The following GTF2F2 variants were observed in gnomAD, a reference collection of about 807,000 sequenced individuals.
GTF2F2 encodes ATP-dependent helicase GTF2F2.
A neutral mutation model predicts 42.2 loss-of-function variants in GTF2F2; 23 were observed. The ratio of observed to expected loss-of-function variants is 0.55; its 90% CI spans 0.39 to 0.77. The LOEUF (loss-of-function observed/expected upper bound fraction) is 0.77. Among genes scored for constraint, GTF2F2 ranks in the 30% least tolerant of loss-of-function variants. The pLI is 0.00. For synonymous variants in GTF2F2, 105 were observed against 100.8 expected (o/e 1.04, Z -0.25); for missense variants, 261 against 287.2 (o/e 0.91, Z 0.66).
In GTF2F2 at chr13:45,137,338, C is replaced by T. The variant is rs538598661; in HGVS notation, c.140+532C>T. Reference sequence around the variant, plus strand: ...AGTGTCAGCTGGAGGCCTTGTGTTCCATTCTTTCTATCCATTCATTCTTAA... The same window carrying T: ...AGTGTCAGCTGGAGGCCTTGTGTTCTATTCTTTCTATCCATTCATTCTTAA... On this transcript the variant is annotated intron_variant, in intron 2 of 7. Coordinates refer to ENST00000340473, the MANE Select transcript of GTF2F2 (RefSeq NM_004128.3). Among the ~76,000 whole-genome samples the T allele has an allele frequency of 3.9e-5, 6 of 152,308 alleles. No homozygotes were observed. In the East Asian group the frequency reaches 1.2e-3, roughly 29 times the overall value.
chr13:45,191,220 AAAAAAT>A (rs973184442), intron 4 of GTF2F2, among the ~76,000 whole-genome samples: 8 of 75,210 alleles, frequency 1.1e-4, no homozygotes, highest in East Asian at 9.7e-4. Context: ...AAATACAAAA[AAAAAAT>A]ATATATATAT....
At chr13:45,243,546 G>T (rs1373340587) in intron 5 of GTF2F2, among the ~76,000 whole-genome samples, 1 of 152,218 alleles carries the variant, frequency 6.6e-6, no homozygotes, top group Non-Finnish European at 1.5e-5. Context: ...TTGTGGGACC[G>T]ATATGTTAAA....
intron 5 of GTF2F2, among the ~76,000 whole-genome samples, chr13:45,236,490 T>TACACACACACACACACAC (rs3047056): frequency 6.1e-4 from 86 of 142,034 alleles, no homozygotes; most frequent in African/African-American, 2.1e-3. Context: ...CCGCCACACA[T>TACACACACACACACACAC]ACACACACAC....
At chr13:45,186,457 A>C (rs900382158) in intron 4 of GTF2F2, among the ~76,000 whole-genome samples, 74 of 150,642 alleles carry the variant, frequency 4.9e-4, no homozygotes, top group African/African-American at 1.8e-3. Context: ...ACACCCTGCT[A>C]ATTTTTTGTA....
intron 4 of GTF2F2, among the ~76,000 whole-genome samples, chr13:45,200,176 G>A (rs1001434546): frequency 6.6e-5 from 10 of 152,058 alleles, no homozygotes; most frequent in African/African-American, 2.4e-4. Flanking sequence ...AGCTCTGTGA[G>A]CTATTCCCTC....
At chr13:45,135,047 G>A (rs138040240) in intron 1 of GTF2F2, among the ~76,000 whole-genome samples, 174 of 151,808 alleles carry the variant, frequency 1.1e-3, no homozygotes, top group African/African-American at 4.1e-3. Flanking sequence ...TCCACCTCCT[G>A]GGTTCAAGCA....
intron 5 of GTF2F2, among the ~76,000 whole-genome samples, chr13:45,241,069 A>T (rs1943721626): frequency 6.6e-6 from 1 of 151,402 alleles, no homozygotes; most frequent in Non-Finnish European, 1.5e-5. Context: ...AGGAGGATCA[A>T]ATGAGCCCAG....
chr13:45,126,124 C>T (rs1457987501), intron 1 of GTF2F2, among the ~76,000 whole-genome samples: 3 of 151,994 alleles, frequency 2.0e-5, no homozygotes, highest in Non-Finnish European at 4.4e-5. Context: ...ATCATGATGT[C>T]CACTTCAGTG....
intron 1 of GTF2F2, among the ~76,000 whole-genome samples, chr13:45,125,467 G>A (rs924200681): frequency 3.3e-5 from 5 of 151,986 alleles, no homozygotes; most frequent in Non-Finnish European, 7.4e-5. Context: ...CTACAGGCGC[G>A]GGCCACCACA....
chr13:45,263,313 C>T (rs183762240), intron 6 of GTF2F2, among the ~76,000 whole-genome samples: 228 of 151,960 alleles, frequency 1.5e-3, no homozygotes, highest in African/African-American at 5.3e-3. Context: ...CTGCAAGCTC[C>T]GCCTCCCAAG....
chr13:45,234,198 A>G (rs1449633510), intron 5 of GTF2F2, among the ~76,000 whole-genome samples: 1 of 152,266 alleles, frequency 6.6e-6, no homozygotes, highest in Non-Finnish European at 1.5e-5. Context: ...ACATTTTTAT[A>G]CATTTGTTTT....
At chr13:45,131,331 G>C (rs1449599142) in intron 1 of GTF2F2, among the ~76,000 whole-genome samples, 1 of 152,148 alleles carries the variant, frequency 6.6e-6, no homozygotes, top group Admixed American at 6.5e-5. Context: ...GGAGAGTCCA[G>C]AGAAGTAGAG....
At chr13:45,272,418 G>T (rs1044151882) in intron 7 of GTF2F2, among the ~76,000 whole-genome samples, 4 of 128,824 alleles carry the variant, frequency 3.1e-5, no homozygotes, top group African/African-American at 1.3e-4. Context: ...TTTTGTTTTG[G>T]CTCTTTAAAA....
At chr13:45,202,023 T>G (rs1305477295) in intron 4 of GTF2F2, among the ~76,000 whole-genome samples, 3 of 152,126 alleles carry the variant, frequency 2.0e-5, no homozygotes, top group Non-Finnish European at 4.4e-5. Context: ...CTCTTCCTTC[T>G]TACCCCCACC....
intron 7 of GTF2F2, among the ~76,000 whole-genome samples, chr13:45,272,354 A>G (rs1211614335): frequency 6.6e-6 from 1 of 150,426 alleles, no homozygotes; most frequent in East Asian, 1.9e-4. Flanking sequence ...CCAATGATCT[A>G]CTACCAACTT....
At chr13:45,193,767 C>CT (rs1330461191) in intron 4 of GTF2F2, 11 of 1,549,140 alleles carry the variant, frequency 7.1e-6, no homozygotes, top group Non-Finnish European at 7.8e-6. Flanking sequence ...TGCTTGTTGC[C>CT]TTTGTTCGTG....
intron 1 of GTF2F2, among the ~76,000 whole-genome samples, chr13:45,130,395 C>G (rs1869284225): frequency 6.6e-6 from 1 of 152,166 alleles, no homozygotes; most frequent in African/African-American, 2.4e-5. Context: ...ATGTAGATGT[C>G]TGTTAAATAA....
chr13:45,260,800 ACTTGAGTTTGAGACCAGC>A (rs532249041), intron 6 of GTF2F2, among the ~76,000 whole-genome samples: 2 of 152,198 alleles, frequency 1.3e-5, no homozygotes, highest in South Asian at 2.1e-4. Context: ...CGGGTGGATC[ACTTGAGTTTGAGACCAGC>A]CTTGAGTTTG....
chr13:45,160,106 G>C (rs1870962572), intron 4 of GTF2F2, among the ~76,000 whole-genome samples: 1 of 151,844 alleles, frequency 6.6e-6, no homozygotes, highest in South Asian at 2.1e-4. Flanking sequence ...TTGGTCTCAG[G>C]GCTCTTTTAT....
Sources: gnomAD v4.1 joint callset for allele counts (sites outside exome capture counted in the v4.1 genomes callset) on GRCh38, gnomAD v4.1.1 for gene constraint, MANE v1.5 for transcripts, NCBI Gene and HGNC (gene_info 2026-07-23, HGNC 2026-07-21) for gene names.